Variants in AGPS observed in about 807,000 individuals in gnomAD.
AGPS encodes the protein alkyldihydroxyacetonephosphate synthase, peroxisomal.
In AGPS, 26 loss-of-function variants were observed where a neutral mutation model predicts 90.7. That is an observed-to-expected ratio of 0.29 (90% CI 0.21 to 0.40). The LOEUF is 0.40. Ranked by LOEUF, AGPS falls within the 10% of genes least tolerant of loss-of-function variation. The pLI, the probability that AGPS is intolerant of heterozygous loss-of-function variation, is 1.00. For missense variants in AGPS, 540 were observed against 816.1 expected, an observed-to-expected ratio of 0.66 and a Z score of 4.12; for synonymous variants, 294 against 285.3, an observed-to-expected ratio of 1.03 and a Z score of -0.31.
chr2:177,490,846 C>CTTTTTT (rs61555724), intron 11 of AGPS, among the ~76,000 whole-genome samples: 5 of 58,200 alleles, frequency 8.6e-5, no homozygotes, highest in Non-Finnish European at 1.5e-4. Flanking sequence ...AAGTTGCAGA[C>CTTTTTT]TTTTTTTTTT....
chr2:177,428,745 T>A (rs1183494562), intron 2 of AGPS, among the ~76,000 whole-genome samples: 3 of 152,196 alleles, frequency 2.0e-5, no homozygotes, highest in Non-Finnish European at 4.4e-5. Context: ...TGGCTACCCA[T>A]AACATTTTTT....
chr2:177,454,705 T>G (rs551627095), intron 8 of AGPS, among the ~76,000 whole-genome samples: 2 of 152,262 alleles, frequency 1.3e-5, no homozygotes, highest in East Asian at 3.9e-4. Context: ...TTCTTCAGCT[T>G]TTCTCCTGGG....
chr2:177,427,924 G>A (rs1158397846), intron 2 of AGPS, among the ~76,000 whole-genome samples: 1 of 152,112 alleles, frequency 6.6e-6, no homozygotes, highest in Non-Finnish European at 1.5e-5. Flanking sequence ...TTGTCAGTGG[G>A]ATGTTAAAGC....
chr2:177,404,237 G>A (rs565415663), intron 1 of AGPS, among the ~76,000 whole-genome samples: 12 of 152,252 alleles, frequency 7.9e-5, no homozygotes, highest in African/African-American at 2.6e-4. Flanking sequence ...ATGACCACAG[G>A]GAGCCTAAGG....
intron 19 of AGPS, among the ~76,000 whole-genome samples, chr2:177,531,119 T>G (rs2079132934): frequency 6.6e-6 from 1 of 152,064 alleles, no homozygotes; most frequent in Admixed American, 6.6e-5. Context: ...ACTTTAAAAG[T>G]AAAAGGAAAC....
chr2:177,393,146 G>C (rs1250400741), intron 1 of AGPS, 97 bp downstream of exon 1: 1 of 1,548,892 alleles, frequency 6.5e-7, no homozygotes, highest in Non-Finnish European at 8.7e-7. Context: ...AGTGACACGG[G>C]TGGGCGGAAG....
intron 8 of AGPS, among the ~76,000 whole-genome samples, chr2:177,455,733 A>C (rs762243873): frequency 6.6e-6 from 1 of 151,132 alleles, no homozygotes; most frequent in African/African-American, 2.4e-5. Flanking sequence ...ATTCTGTATA[A>C]TTTAATTATG....
At chr2:177,434,920 A>C (rs1217822432) in intron 3 of AGPS, among the ~76,000 whole-genome samples, 1 of 149,266 alleles carries the variant, frequency 6.7e-6, no homozygotes, top group Non-Finnish European at 1.5e-5. Context: ...TGATTAAGAT[A>C]TGAGTGATTG....
At chr2:177,521,850 A>G (rs1280610089) in intron 18 of AGPS, among the ~76,000 whole-genome samples, 1 of 152,196 alleles carries the variant, frequency 6.6e-6, no homozygotes, top group Non-Finnish European at 1.5e-5. Context: ...AAAGAGTGTC[A>G]AACTGTTTAT....
chr2:177,504,172 T>G (rs754591324), intron 14 of AGPS, among the ~76,000 whole-genome samples: 1 of 152,204 alleles, frequency 6.6e-6, no homozygotes, highest in African/African-American at 2.4e-5. Flanking sequence ...ATGAACTGTT[T>G]CTGTTTCCTA....
chr2:177,397,995 G>T (rs564004695), intron 1 of AGPS, among the ~76,000 whole-genome samples: 1 of 152,134 alleles, frequency 6.6e-6, no homozygotes, highest in Non-Finnish European at 1.5e-5. Flanking sequence ...TTGCGTCATT[G>T]TACTCCAGGC....
chr2:177,415,569 G>A (rs1257000927), intron 1 of AGPS, among the ~76,000 whole-genome samples: 2 of 152,116 alleles, frequency 1.3e-5, no homozygotes, highest in African/African-American at 2.4e-5. Context: ...CTTACAATGG[G>A]GATATTGAGG....
intron 1 of AGPS, among the ~76,000 whole-genome samples, chr2:177,409,832 C>G (rs1464013269): frequency 6.6e-6 from 1 of 152,162 alleles, no homozygotes; most frequent in African/African-American, 2.4e-5. Context: ...AAGAGACAAA[C>G]TTAACAAGGA....
intron 19 of AGPS, among the ~76,000 whole-genome samples, chr2:177,533,396 C>G (rs1047510656): frequency 3.9e-5 from 6 of 152,080 alleles, no homozygotes; most frequent in Non-Finnish European, 7.4e-5. Context: ...ACCATCCCCC[C>G]ACCCCTGTGT....
intron 1 of AGPS, among the ~76,000 whole-genome samples, chr2:177,415,213 G>A (rs936046293): frequency 6.6e-6 from 1 of 152,046 alleles, no homozygotes; most frequent in Non-Finnish European, 1.5e-5. Flanking sequence ...CTTCTCTAGT[G>A]ATGCCTCCAG....
At chr2:177,430,845 C>T (rs6741974) in intron 2 of AGPS, among the ~76,000 whole-genome samples, 131,938 of 152,180 alleles carry the variant, frequency 0.87, 57,407 homozygotes, top group East Asian at 0.98. Flanking sequence ...AAAAATGTCA[C>T]TATTTTTGAC....
chr2:177,480,426 A>T (rs184393365), intron 10 of AGPS, among the ~76,000 whole-genome samples: 2 of 152,306 alleles, frequency 1.3e-5, no homozygotes, highest in East Asian at 3.9e-4. Context: ...TGTCCTTTGT[A>T]GGGACATGGA....
chr2:177,533,239 G>A (rs896955988), intron 19 of AGPS, among the ~76,000 whole-genome samples: 7 of 152,186 alleles, frequency 4.6e-5, no homozygotes, highest in African/African-American at 1.7e-4. Flanking sequence ...TAGTTAGAGT[G>A]TAAGAACATA....
intron 19 of AGPS, among the ~76,000 whole-genome samples, chr2:177,532,315 T>C (rs1011816391): frequency 6.6e-6 from 1 of 151,700 alleles, no homozygotes; most frequent in African/African-American, 2.4e-5. Flanking sequence ...TGAAGAAAAA[T>C]TTCACTGAAG....
Sources: gnomAD v4.1 joint callset for allele counts (sites outside exome capture counted in the v4.1 genomes callset) on GRCh38, gnomAD v4.1.1 for gene constraint, MANE v1.5 for transcripts, NCBI Gene and HGNC (gene_info 2026-07-23, HGNC 2026-07-21) for gene names.